Variants in DENND5B observed in about 807,000 individuals in gnomAD.
DENND5B encodes DENN domain-containing protein 5B.
Under a neutral mutation model 140.6 loss-of-function variants are expected in DENND5B, and 34 were observed. The ratio of observed to expected loss-of-function variants is 0.24; its 90% confidence interval spans 0.18 to 0.32. DENND5B has a LOEUF of 0.32. DENND5B is among the 10% of genes least tolerant of loss of function. The pLI, the probability that DENND5B is intolerant of heterozygous loss-of-function variation, is 1.00. For missense variants in DENND5B, 1,142 were observed against 1,560.2 expected (o/e 0.73, Z 4.52); for synonymous variants, 551 against 562.1 (o/e 0.98, Z 0.28).
chr12:31,404,781 C>CA (rs1942027455), intron 14 of DENND5B, among the ~76,000 whole-genome samples: 1 of 1,316 alleles, frequency 7.6e-4, no homozygotes, highest in South Asian at 0.036. Context: ...TTTTTTGAGA[C>CA]AGAGTTTTGC....
At chr12:31,443,855 G>A (rs1393487796) in intron 6 of DENND5B, 8 of 152,106 alleles carry the variant, frequency 5.3e-5, no homozygotes, top group Non-Finnish European at 1.2e-4. Context: ...CATATAAGCA[G>A]GCATTTAGAA....
chr12:31,569,059 C>T (rs988360282), intron 1 of DENND5B, among the ~76,000 whole-genome samples: 3 of 117,462 alleles, frequency 2.6e-5, no homozygotes, highest in Non-Finnish European at 5.4e-5. Flanking sequence ...CAGCAACATA[C>T]CTTTTTTTTT....
At chr12:31,454,569 C>T (rs905436989) in intron 4 of DENND5B, among the ~76,000 whole-genome samples, 4 of 150,998 alleles carry the variant, frequency 2.6e-5, no homozygotes, top group Non-Finnish European at 4.4e-5. Flanking sequence ...CAGCCTCCCG[C>T]GTAGCTGGGA....
intron 2 of DENND5B, among the ~76,000 whole-genome samples, chr12:31,493,243 C>G (rs1946603408): frequency 6.6e-6 from 1 of 152,268 alleles, no homozygotes; most frequent in East Asian, 1.9e-4. Context: ...GGGCAAATTA[C>G]TTAACCTTTG....
At chr12:31,443,013 A>G in intron 6 of DENND5B, 88 bp from the exon 7 acceptor site, 2 of 1,246,076 alleles carry the variant, frequency 1.6e-6, no homozygotes, top group Non-Finnish European at 2.2e-6. Flanking sequence ...CCTACAGAGA[A>G]CCCAATCACT....
intron 1 of DENND5B, among the ~76,000 whole-genome samples, chr12:31,543,055 C>T (rs1398099457): frequency 6.6e-6 from 1 of 151,976 alleles, no homozygotes; most frequent in African/African-American, 2.4e-5. Flanking sequence ...AAAAACTAGC[C>T]AGGCATGGTA....
At chr12:31,508,057 T>C (rs1177183191) in intron 1 of DENND5B, among the ~76,000 whole-genome samples, 3 of 152,162 alleles carry the variant, frequency 2.0e-5, no homozygotes, top group Non-Finnish European at 4.4e-5. Context: ...AAAGAACATA[T>C]TCTTTGCTAA....
intron 17 of DENND5B, among the ~76,000 whole-genome samples, chr12:31,395,151 G>A (rs930867935): frequency 6.6e-6 from 1 of 151,642 alleles, no homozygotes; most frequent in Non-Finnish European, 1.5e-5. Context: ...CATTTCTTTT[G>A]TGTACATATC....
At chr12:31,590,491 G>A (rs1950581509) in intron 1 of DENND5B, 2 of 525,320 alleles carry the variant, frequency 3.8e-6, no homozygotes, top group Admixed American at 4.7e-5. Flanking sequence ...AGCGCCTGGA[G>A]GCGAAAGCCC....
chr12:31,427,629 A>T (rs1020110353), intron 8 of DENND5B, among the ~76,000 whole-genome samples: 41 of 151,658 alleles, frequency 2.7e-4, no homozygotes, highest in African/African-American at 9.2e-4. Flanking sequence ...AATCATCTGG[A>T]TACCTTATGT....
At chr12:31,427,053 A>C (rs561531016) in intron 8 of DENND5B, among the ~76,000 whole-genome samples, 1 of 152,112 alleles carries the variant, frequency 6.6e-6, no homozygotes, top group Non-Finnish European at 1.5e-5. Flanking sequence ...CTATAGGATC[A>C]CTCTGAAAAG....
At chr12:31,493,126 G>C (rs1468427296) in intron 2 of DENND5B, among the ~76,000 whole-genome samples, 2 of 145,500 alleles carry the variant, frequency 1.4e-5, no homozygotes, top group East Asian at 2.1e-4. Context: ...TCAAAACTCA[G>C]TTACACAGTT....
At chr12:31,463,213 C>T (rs984182447) in intron 3 of DENND5B, among the ~76,000 whole-genome samples, 6 of 152,034 alleles carry the variant, frequency 3.9e-5, no homozygotes, top group African/African-American at 7.2e-5. Flanking sequence ...GAGCTGCGAT[C>T]GTACCACTGC....
At chr12:31,468,979 TATTGAAAGCTTAATAAAA>T (rs1254734226) in intron 3 of DENND5B, among the ~76,000 whole-genome samples, 4 of 152,150 alleles carry the variant, frequency 2.6e-5, no homozygotes, top group African/African-American at 9.6e-5. Flanking sequence ...TTTGCTAATA[TATTGAAAGCTTAATAAAA>T]ATTTTCTTAG....
At chr12:31,407,394 G>A (rs1206698917) in intron 14 of DENND5B, among the ~76,000 whole-genome samples, 4 of 152,310 alleles carry the variant, frequency 2.6e-5, no homozygotes, top group South Asian at 2.1e-4. Flanking sequence ...CTCCCAAAGC[G>A]CTGGGATTAC....
chr12:31,568,206 C>T (rs551882541), intron 1 of DENND5B, among the ~76,000 whole-genome samples: 1 of 152,302 alleles, frequency 6.6e-6, no homozygotes, highest in African/African-American at 2.4e-5. Flanking sequence ...TATAAAATTA[C>T]CTTCAGGCTA....
intron 14 of DENND5B, among the ~76,000 whole-genome samples, chr12:31,403,607 A>AG (rs1941943296): frequency 6.8e-6 from 1 of 146,206 alleles, no homozygotes; most frequent in Admixed American, 6.9e-5. Context: ...AAAAAAAAGA[A>AG]AGAAAAAAGA....
chr12:31,461,133 G>C (rs1342055036), intron 3 of DENND5B, among the ~76,000 whole-genome samples: 1 of 152,114 alleles, frequency 6.6e-6, no homozygotes, highest in Non-Finnish European at 1.5e-5. Flanking sequence ...AGGCTGGAGT[G>C]CAGTGGCATG....
At chr12:31,416,037 A>G (rs1429969690) in intron 11 of DENND5B, among the ~76,000 whole-genome samples, 2 of 151,802 alleles carry the variant, frequency 1.3e-5, no homozygotes, top group Non-Finnish European at 2.9e-5. Flanking sequence ...GGGTTTCTCC[A>G]TGTTGGTCAG....
Sources: gnomAD v4.1 joint callset for allele counts (sites outside exome capture counted in the v4.1 genomes callset) on GRCh38, gnomAD v4.1.1 for gene constraint, MANE v1.5 for transcripts, NCBI Gene and HGNC (gene_info 2026-07-23, HGNC 2026-07-21) for gene names.